PCDHGA12: variants seen among roughly 807,000 people sequenced by gnomAD.
PCDHGA12 encodes protocadherin gamma subfamily A, 12.
In PCDHGA12, 43 loss-of-function variants were observed where a neutral mutation model predicts 61.1. The ratio of observed to expected loss-of-function variants is 0.70; its 90% CI spans 0.55 to 0.91. PCDHGA12 has a LOEUF of 0.91. PCDHGA12 is among the 40% of genes least tolerant of loss of function. The pLI is 0.00. For synonymous variants in PCDHGA12, 520 were observed against 542.9 expected, an observed-to-expected ratio of 0.96 and a Z score of 0.59; for missense variants, 1,236 against 1,227.7, an observed-to-expected ratio of 1.01 and a Z score of -0.10.
Position 141,477,864 on chromosome 5 carries a change from G to A in PCDHGA12, c.2425-16943G>A, listed in dbSNP as rs775055164. On this transcript the variant is annotated intron_variant, in intron 1 of 3. Transcript: ENST00000252085. The surrounding 1 kb of genome is among the most constrained non-coding windows in gnomAD (Gnocchi z 4.9). Reference sequence around the variant, plus strand: ...AGCTCGGTGGAGATGCTGCCTCGAGGTACCTCAGCTGGCCACCTAGTGTCA... The same window carrying A: ...AGCTCGGTGGAGATGCTGCCTCGAGATACCTCAGCTGGCCACCTAGTGTCA... 1.2e-6 allele frequency: 2 copies of A among 1,613,122 alleles called. No homozygotes were observed. The highest frequency in any genetic ancestry group is 4.5e-5 in the East Asian group (2 of 44,822).
At position 141,487,543 on chromosome 5, in the gene PCDHGA12, A is replaced by G. The variant is rs2099649285; in HGVS notation, c.2425-7264A>G. On this transcript the variant is annotated intron_variant, in intron 1 of 3. Coordinates refer to ENST00000252085, the MANE Select transcript of PCDHGA12 (RefSeq NM_003735.3). This position sits in a 1 kb window ranked among gnomAD's most constrained non-coding sequence, Gnocchi z 5.0. ...GTGATAGCTTCATGATGGTGAAGTC[A>G]CCCAGTGCACCTATGGCAGGGGAGC... is the stretch of plus-strand genomic sequence containing the variant. The G allele has an allele frequency of 3.7e-6, 6 of 1,614,114 alleles. No homozygotes were observed. In the South Asian group the frequency reaches 5.5e-5, roughly 15 times the overall value.
At chr5:141,460,453 A>G (rs1487816393) in intron 1 of PCDHGA12, among the ~76,000 whole-genome samples, 1 of 152,152 alleles carries the variant, frequency 6.6e-6, no homozygotes, top group Non-Finnish European at 1.5e-5. Flanking sequence ...ATGAAGATTC[A>G]TATTTTTTTC....
chr5:141,432,421 C>T lies in PCDHGA12; in HGVS notation c.1662C>T (p.Asp554=), dbSNP rs771647620. 10 of 1,614,126 alleles carry T rather than the reference C, an allele frequency of 6.2e-6. No homozygotes were observed. In the African/African-American group the frequency reaches 1.2e-4, roughly 19 times the overall value. The part of the protein sequence containing the change: ...SNVSLSLFVL[D]QNDNAPEILY... ...TGTCGTTGAGCCTGTTCGTGCTGGA[C>T]CAGAACGACAATGCGCCCGAGATCC... The change falls in exon 1 of 4, where the codon GAC becomes GAT. Residue 554 remains aspartate (D), a synonymous_variant. Transcript: ENST00000252085. This position sits in a 1 kb window ranked among gnomAD's most constrained non-coding sequence, Gnocchi z 6.0.
intron 2 of PCDHGA12, among the ~76,000 whole-genome samples, chr5:141,498,573 A>G (rs7725519): frequency 0.52 from 78,890 of 151,684 alleles, 21,175 homozygotes; most frequent in African/African-American, 0.65. Flanking sequence ...CAGGGCTAGT[A>G]TTGAGTTCTT....
At position 141,466,670 on chromosome 5, in the gene PCDHGA12, G is replaced by C. The variant is rs994949602; in HGVS notation, c.2425-28137G>C. On this transcript the variant is annotated intron_variant, in intron 1 of 3. Transcript: ENST00000252085. ...TTCACAAAACATCAGTGATTTCACC[G>C]TTCTTCCACTCAAGCTTCATCATAA... Among the ~76,000 whole-genome samples, 3 of 152,046 alleles carry C rather than the reference G, an allele frequency of 2.0e-5. No homozygotes were observed. The South Asian group carries it at 6.2e-4, about 32-fold the overall frequency.
At chr5:141,474,772 G>T (rs1053853138) in intron 1 of PCDHGA12, among the ~76,000 whole-genome samples, 1 of 152,182 alleles carries the variant, frequency 6.6e-6, no homozygotes, top group Non-Finnish European at 1.5e-5. Context: ...AATAGTATGA[G>T]GCTCTAACAC....
chr5:141,449,782 T>C (rs2098655261), intron 1 of PCDHGA12, among the ~76,000 whole-genome samples: 1 of 151,720 alleles, frequency 6.6e-6, no homozygotes, highest in South Asian at 2.1e-4. Flanking sequence ...GAAATTATGT[T>C]TCTTTATTCC....
At chr5:141,495,071 C>A (rs1391869079) in intron 2 of PCDHGA12, among the ~76,000 whole-genome samples, 1 of 152,160 alleles carries the variant, frequency 6.6e-6, no homozygotes, top group Non-Finnish European at 1.5e-5. Flanking sequence ...AAGCTCAATT[C>A]ACATGCTTGC....
At position 141,489,888 on chromosome 5, in the gene PCDHGA12, T is replaced by TG. The variant is rs759744295; in HGVS notation, c.2425-4913dup. On this transcript the variant is annotated intron_variant, in intron 1 of 3. Coordinates refer to ENST00000252085, the MANE Select transcript of PCDHGA12 (RefSeq NM_003735.3). The surrounding 1 kb of genome is among the most constrained non-coding windows in gnomAD (Gnocchi z 4.5). ...ATCAGCTGGTGCTTACTGCTGTGGATGGGGGGACCCCAGCCCGCTCAGGGA... is the reference window on the plus strand; with the variant it reads ...ATCAGCTGGTGCTTACTGCTGTGGATGGGGGGGACCCCAGCCCGCTCAGGGA... 6.4e-5 allele frequency: 103 copies of TG among 1,614,088 alleles called. No individual in the cohort carries two copies. Among genetic ancestry groups the TG allele is most frequent in the Non-Finnish European group, 8.6e-5 (101 of 1,180,048 alleles).
At chr5:141,453,185 C>T (rs2098757478) in intron 1 of PCDHGA12, among the ~76,000 whole-genome samples, 1 of 152,146 alleles carries the variant, frequency 6.6e-6, no homozygotes, top group South Asian at 2.1e-4. Flanking sequence ...ACAATCACAG[C>T]TCACTGCAGC....
In PCDHGA12 at chr5:141,487,000, G is replaced by A. The variant is rs1410493699; in HGVS notation, c.2425-7807G>A. On this transcript the variant is annotated intron_variant, in intron 1 of 3. Transcript: ENST00000252085. The surrounding 1 kb of genome is among the most constrained non-coding windows in gnomAD (Gnocchi z 5.0). ...GTTACAATGCTTGGGTTTCCTATCA[G>A]CTCCTGGAGGCCCCAGATCCCAGCC... The A allele has an allele frequency of 6.2e-7, 1 of 1,614,194 alleles. No homozygotes were observed. The highest frequency in any genetic ancestry group is 8.5e-7 in the Non-Finnish European group (1 of 1,180,036).
chr5:141,509,143 C>G (rs1022878562), intron 3 of PCDHGA12, among the ~76,000 whole-genome samples: 1 of 152,256 alleles, frequency 6.6e-6, no homozygotes, highest in African/African-American at 2.4e-5. Context: ...AGGCGCATCC[C>G]GGCTCTCCCC....
chr5:141,447,226 G>A (rs746777844), intron 1 of PCDHGA12, among the ~76,000 whole-genome samples: 1 of 151,910 alleles, frequency 6.6e-6, no homozygotes, highest in Non-Finnish European at 1.5e-5. Context: ...TGCAACCTCC[G>A]CCTCCCGGGT....
chr5:141,494,705 G>C, intron 1 of PCDHGA12, 102 bp from the exon 2 acceptor site: 1 of 1,597,990 alleles, frequency 6.3e-7, no homozygotes, highest in Non-Finnish European at 8.6e-7. Flanking sequence ...TTTCTTCTCT[G>C]TGCCCACTCC....
At chr5:141,449,567 C>T (rs1412647192) in intron 1 of PCDHGA12, among the ~76,000 whole-genome samples, 2 of 133,846 alleles carry the variant, frequency 1.5e-5, no homozygotes, top group Non-Finnish European at 3.1e-5. Context: ...CCAGCCTGGG[C>T]GACAGAGCAA....
chr5:141,446,415 T>C (rs1275165245), intron 1 of PCDHGA12, among the ~76,000 whole-genome samples: 2 of 152,046 alleles, frequency 1.3e-5, no homozygotes, highest in African/African-American at 4.8e-5. Flanking sequence ...GTTCCAGCCA[T>C]GTTCATTTGA....
chr5:141,468,351 A>T (rs1030472813), intron 1 of PCDHGA12: 1 of 149,190 alleles, frequency 6.7e-6, no homozygotes, highest in East Asian at 2.0e-4. Flanking sequence ...AAAAAAAAAG[A>T]AAGAAAAAAG....
Position 141,511,225 on chromosome 5 carries a change from C to T in PCDHGA12, c.*52C>T, listed in dbSNP as rs2099883678. On this transcript the variant is annotated 3_prime_UTR_variant, in exon 4 of 4. Transcript: ENST00000252085. Reference sequence around the variant, plus strand: ...GGCGGCCTCTCCCCAACCAGCCCAGCTTCTCCTTACCTGCACCCAGGCCTC... The same window carrying T: ...GGCGGCCTCTCCCCAACCAGCCCAGTTTCTCCTTACCTGCACCCAGGCCTC... 1.9e-6 allele frequency: 3 copies of T among 1,601,506 alleles called. No individual in the cohort carries two copies. Among genetic ancestry groups the T allele is most frequent in the Non-Finnish European group, 2.6e-6 (3 of 1,174,170 alleles).
rs769351399 is a variant in PCDHGA12, at chr5:141,432,649, A to G, written c.1890A>G (p.Arg630=). The G allele has an allele frequency of 6.2e-7, 1 of 1,613,742 alleles. No homozygotes were observed. The highest frequency in any genetic ancestry group is 1.1e-5 in the South Asian group (1 of 91,054). ...GLHTGEVRTA[R]ALLDRDALKQ... ...ACACGGGCGAGGTGCGCACGGCGCG[A>G]GCCCTGCTGGACAGAGACGCGCTCA... is the stretch of plus-strand genomic sequence containing the variant. The change falls in exon 1 of 4, where the codon CGA becomes CGG. Residue 630 remains arginine, a synonymous_variant. Coordinates refer to ENST00000252085, the MANE Select transcript of PCDHGA12 (RefSeq NM_003735.3). The surrounding 1 kb of genome is among the most constrained non-coding windows in gnomAD (Gnocchi z 6.0).
Sources: gnomAD v4.1 joint callset for allele counts (sites outside exome capture counted in the v4.1 genomes callset) on GRCh38, gnomAD v4.1.1 for gene constraint, Gnocchi (gnomAD v3.1) non-coding constraint, MANE v1.5 for transcripts, NCBI Gene and HGNC (gene_info 2026-07-23, HGNC 2026-07-21) for gene names.